The following GNAZ variants were observed in gnomAD, a reference collection of about 807,000 sequenced individuals.
GNAZ encodes the protein G protein subunit alpha z.
GNAZ carries 3 observed loss-of-function variants against 25.4 expected under a neutral mutation model. The observed-to-expected ratio is 0.12, with a 90% confidence interval of 0.05 to 0.30. The LOEUF is 0.30. Among genes scored for constraint, GNAZ ranks in the 10% least tolerant of loss-of-function variants. GNAZ has a pLI of 1.00. For missense variants in GNAZ, 241 were observed against 501.8 expected (o/e 0.48, Z 4.97); for synonymous variants, 211 against 205.7 (o/e 1.03, Z -0.22).
chr22:23,072,739 CTG>C (rs2068410761), intron 1 of GNAZ, among the ~76,000 whole-genome samples: 3 of 152,204 alleles, frequency 2.0e-5, no homozygotes, highest in Admixed American at 1.3e-4. Context: ...TGGCATGTGA[CTG>C]TGGGTTTGGG....
chr22:23,094,602 G>A (rs998442581), intron 1 of GNAZ, among the ~76,000 whole-genome samples: 1 of 152,222 alleles, frequency 6.6e-6, no homozygotes, highest in African/African-American at 2.4e-5. Flanking sequence ...GCAGGAGTGA[G>A]GCAGCCCCTG....
intron 1 of GNAZ, among the ~76,000 whole-genome samples, chr22:23,091,801 G>A (rs926048382): frequency 6.6e-6 from 1 of 152,236 alleles, no homozygotes; most frequent in Non-Finnish European, 1.5e-5. Flanking sequence ...CTTCAGTGAA[G>A]ACCAAGGGCT....
chr22:23,096,193 T>A lies in GNAZ; in HGVS notation c.498T>A (p.Ala166=). The A allele has an allele frequency of 6.2e-7, 1 of 1,613,530 alleles. No individual in the cohort carries two copies. Among genetic ancestry groups the A allele is most frequent in the Non-Finnish European group, 8.5e-7 (1 of 1,179,816 alleles). The change falls in exon 2 of 3, where the codon GCT becomes GCA. Residue 166 remains alanine (A), a synonymous_variant. Coordinates refer to ENST00000615612, the MANE Select transcript of GNAZ (RefSeq NM_002073.4). ...ACGACCTGGAGCGCATCGCCGCAGC[T>A]GACTATATCCCCACTGTCGAGGACA... ...YLNDLERIAA[A]DYIPTVEDIL... is the part of the protein sequence containing the mutation.
chr22:23,071,812 C>T lies in GNAZ; in HGVS notation c.-450+1242C>T, dbSNP rs984544017. On this transcript the variant is annotated intron_variant, in intron 1 of 2. Coordinates refer to ENST00000615612, the MANE Select transcript of GNAZ (RefSeq NM_002073.4). This position sits in a 1 kb window ranked among gnomAD's most constrained non-coding sequence, Gnocchi z 4.1. ...TGGAGCTTGAAGGACATGGGCACAGCTAAGCTGGGCATTGTGGGCAGAGAG... is the reference window on the plus strand; with the variant it reads ...TGGAGCTTGAAGGACATGGGCACAGTTAAGCTGGGCATTGTGGGCAGAGAG... Among the ~76,000 whole-genome samples, 2 of 152,178 alleles carry T rather than the reference C, an allele frequency of 1.3e-5. No individual in the cohort carries two copies. Among genetic ancestry groups the T allele is most frequent in the Admixed American group, 1.3e-4 (2 of 15,284 alleles).
In GNAZ at chr22:23,102,501, G is replaced by A. The variant is rs569782457; in HGVS notation, c.723+6083G>A. 9.8e-5 allele frequency among the ~76,000 whole-genome samples: 15 copies of A among 152,338 alleles called. No homozygotes were observed. In the South Asian group the frequency reaches 1.0e-3, roughly 11 times the overall value. On this transcript the variant is annotated intron_variant, in intron 2 of 2. Transcript: ENST00000615612. ...CAAGGGTGGGGCCATTTCTTAGCCC[G>A]CCTTGTGCAGTGGCTCCTTGCCCTG...
At chr22:23,106,595 T>C (rs1026856919) in intron 2 of GNAZ, among the ~76,000 whole-genome samples, 1 of 152,006 alleles carries the variant, frequency 6.6e-6, no homozygotes, top group Non-Finnish European at 1.5e-5. Context: ...AGTGAGGAGG[T>C]AGGGCAGTTC....
chr22:23,089,805 G>A (rs1022527333), intron 1 of GNAZ, among the ~76,000 whole-genome samples: 3 of 152,128 alleles, frequency 2.0e-5, no homozygotes, highest in East Asian at 1.9e-4. Flanking sequence ...CTTGGAGATC[G>A]TGCCTTAGGA....
chr22:23,121,820 C>T (rs1418651152), intron 2 of GNAZ, among the ~76,000 whole-genome samples: 1 of 150,402 alleles, frequency 6.6e-6, no homozygotes, highest in Non-Finnish European at 1.5e-5. Context: ...CTCCCGGGTT[C>T]AAGTGATTCT....
chr22:23,119,912 T>C (rs1687308307), intron 2 of GNAZ, among the ~76,000 whole-genome samples: 1 of 152,156 alleles, frequency 6.6e-6, no homozygotes, highest in Non-Finnish European at 1.5e-5. Context: ...TATTAGTCAG[T>C]GTGGTTCCCA....
chr22:23,082,375 C>CT lies in GNAZ; in HGVS notation c.-450+11806dup, dbSNP rs1413043978. 2.8e-3 allele frequency among the ~76,000 whole-genome samples: 375 copies of CT among 131,794 alleles called. 1 individual carries two copies. Among genetic ancestry groups the CT allele is most frequent in the African/African-American group, 9.8e-3 (352 of 35,920 alleles). The allele number at this position is 131,794 out of a possible 152,430, so 86.5% of individuals were successfully genotyped here. On this transcript the variant is annotated intron_variant, in intron 1 of 2. Coordinates refer to ENST00000615612, the MANE Select transcript of GNAZ (RefSeq NM_002073.4). ...TACAGGCGCACACCACCACACCTGGCTATTTTTTTTTTTTTTTTTTGTATC... is the reference window on the plus strand; with the variant it reads ...TACAGGCGCACACCACCACACCTGGCTTATTTTTTTTTTTTTTTTTTGTATC...
chr22:23,115,686 G>A (rs1269873869), intron 2 of GNAZ, among the ~76,000 whole-genome samples: 1 of 152,208 alleles, frequency 6.6e-6, no homozygotes, highest in Non-Finnish European at 1.5e-5. Context: ...AGCACTGCTG[G>A]CCACCCCTGC....
chr22:23,101,223 A>G (rs780144731), intron 2 of GNAZ, among the ~76,000 whole-genome samples: 16 of 151,548 alleles, frequency 1.1e-4, no homozygotes, highest in Non-Finnish European at 1.5e-5. Context: ...ACTGAGCCTC[A>G]GAGAGGTTCC....
At position 23,071,338 on chromosome 22, in the gene GNAZ, GGCC is replaced by G. The variant is rs1473624294; in HGVS notation, c.-450+770_-450+772del. ...GGTGATGATGGCAGGATTCGGCCTA[GGCC>G]GAGAATGGGGGCTCCTGTTAACTGA... On this transcript the variant is annotated intron_variant, in intron 1 of 2. Transcript: ENST00000615612. This position sits in a 1 kb window ranked among gnomAD's most constrained non-coding sequence, Gnocchi z 4.1. 6.6e-6 allele frequency among the ~76,000 whole-genome samples: 1 copy of G among 152,170 alleles called. No individual in the cohort carries two copies. The highest frequency in any genetic ancestry group is 6.5e-5 in the Admixed American group (1 of 15,290).
At chr22:23,078,859 C>T (rs2068586324) in intron 1 of GNAZ, among the ~76,000 whole-genome samples, 1 of 152,228 alleles carries the variant, frequency 6.6e-6, no homozygotes, top group African/African-American at 2.4e-5. Flanking sequence ...GCTCCCGGGC[C>T]TGAGGGCTTA....
In GNAZ at chr22:23,092,618, G is replaced by A. The variant is rs115623297; in HGVS notation, c.-449-2629G>A. Among the ~76,000 whole-genome samples, 498 of 152,248 alleles carry A rather than the reference G, an allele frequency of 3.3e-3. 2 individuals carry two copies. The highest frequency in any genetic ancestry group is 0.011 in the African/African-American group (469 of 41,528). ...CCTTGCACATTGCCCTGTCGTTGCC[G>A]GCGCACACTGATCGAAGACTGCATG... On this transcript the variant is annotated intron_variant, in intron 1 of 2. Transcript: ENST00000615612.
intron 2 of GNAZ, among the ~76,000 whole-genome samples, chr22:23,104,419 C>T (rs907175659): frequency 6.6e-6 from 1 of 152,188 alleles, no homozygotes; most frequent in Non-Finnish European, 1.5e-5. Context: ...CCTGTCTGAA[C>T]TGTTCCAAGA....
Position 23,123,547 on chromosome 22 carries a change from C to T in GNAZ, c.*116C>T, listed in dbSNP as rs2070092045. The T allele has an allele frequency of 1.5e-6, 1 of 654,342 alleles. No individual in the cohort carries two copies. The highest frequency in any genetic ancestry group is 1.8e-5 in the African/African-American group (1 of 54,976). The allele number at this position is 654,342 out of a possible 1,614,324, so 40.5% of individuals were successfully genotyped here. A position where few individuals can be genotyped will look rare whatever the true frequency, so the allele number is the denominator to read the frequency against. ...AAACAGGGGGCCTAAAGAATGTCCC[C>T]CACCCCTTGGCCTCTGCCTCCTTGG... On this transcript the variant is annotated 3_prime_UTR_variant, in exon 3 of 3. Coordinates refer to ENST00000615612, the MANE Select transcript of GNAZ (RefSeq NM_002073.4).
intron 2 of GNAZ, among the ~76,000 whole-genome samples, chr22:23,117,572 C>T (rs776694738): frequency 7.2e-5 from 11 of 152,222 alleles, no homozygotes; most frequent in Non-Finnish European, 1.0e-4. Flanking sequence ...GGTGAGAGGA[C>T]GTCCCAGTGC....
chr22:23,104,199 G>A (rs2266998), intron 2 of GNAZ, among the ~76,000 whole-genome samples: 59,022 of 151,980 alleles, frequency 0.39, 13,641 homozygotes, highest in African/African-American at 0.66. Context: ...GCCCTGCAGC[G>A]GGATGACGGA....
Sources: gnomAD v4.1 joint callset for allele counts (sites outside exome capture counted in the v4.1 genomes callset) on GRCh38, gnomAD v4.1.1 for gene constraint, Gnocchi (gnomAD v3.1) non-coding constraint, MANE v1.5 for transcripts, NCBI Gene and HGNC (gene_info 2026-07-23, HGNC 2026-07-21) for gene names.